The following ADAMTS12 variants were observed in gnomAD, a reference collection of about 807,000 sequenced individuals.
ADAMTS12 encodes ADAM metallopeptidase with thrombospondin type 1 motif 12.
ADAMTS12 carries 118 observed loss-of-function variants against 167.8 expected under a neutral mutation model. That is an observed-to-expected ratio of 0.70 (90% CI 0.61 to 0.82). ADAMTS12 has a LOEUF of 0.82. Among genes scored for constraint, ADAMTS12 ranks in the 40% least tolerant of loss-of-function variants. ADAMTS12 has a pLI of 0.00. For missense variants in ADAMTS12, 1,916 were observed against 1,998.8 expected, an observed-to-expected ratio of 0.96 and a Z score of 0.79; for synonymous variants, 704 against 716.9, an observed-to-expected ratio of 0.98 and a Z score of 0.29.
intron 22 of ADAMTS12, among the ~76,000 whole-genome samples, chr5:33,539,373 C>A (rs1421410972): frequency 6.6e-6 from 1 of 152,184 alleles, no homozygotes; most frequent in African/African-American, 2.4e-5. Context: ...GGCCATCTGG[C>A]AAACTGATCT....
chr5:33,553,038 TA>T (rs1345452777), intron 20 of ADAMTS12, among the ~76,000 whole-genome samples: 1 of 151,668 alleles, frequency 6.6e-6, no homozygotes, highest in African/African-American at 2.4e-5. Context: ...AACAACCATA[TA>T]AAAAAGTGAG....
chr5:33,857,280 G>A (rs553619097), intron 2 of ADAMTS12, among the ~76,000 whole-genome samples: 2 of 152,262 alleles, frequency 1.3e-5, no homozygotes, highest in East Asian at 1.9e-4. Flanking sequence ...ATGGGGAGAT[G>A]TTGCACAAAG....
chr5:33,781,015 T>C (rs2112441319), intron 2 of ADAMTS12, among the ~76,000 whole-genome samples: 1 of 152,294 alleles, frequency 6.6e-6, no homozygotes, highest in South Asian at 2.1e-4. Flanking sequence ...ATAATAGATA[T>C]GCAAAACTGG....
intron 22 of ADAMTS12, among the ~76,000 whole-genome samples, chr5:33,535,639 T>C (rs1232891213): frequency 6.6e-6 from 1 of 152,170 alleles, no homozygotes; most frequent in Non-Finnish European, 1.5e-5. Context: ...CTTTGCATCA[T>C]GAGTATATGG....
intron 2 of ADAMTS12, among the ~76,000 whole-genome samples, chr5:33,822,070 A>G (rs1747890197): frequency 6.6e-6 from 1 of 152,116 alleles, no homozygotes; most frequent in South Asian, 2.1e-4. Context: ...AATAACTACT[A>G]TATTTTTCCC....
chr5:33,832,027 C>A (rs1318695717), intron 2 of ADAMTS12, among the ~76,000 whole-genome samples: 1 of 152,214 alleles, frequency 6.6e-6, no homozygotes, highest in Non-Finnish European at 1.5e-5. Context: ...CCCTTCTCTT[C>A]TGAAGAATGC....
intron 1 of ADAMTS12, among the ~76,000 whole-genome samples, chr5:33,886,764 G>A (rs897001888): frequency 2.6e-5 from 4 of 152,112 alleles, no homozygotes; most frequent in African/African-American, 7.2e-5. Context: ...CATAGGTGTG[G>A]ATGGAAATCG....
intron 18 of ADAMTS12, among the ~76,000 whole-genome samples, chr5:33,585,891 C>T (rs1018642199): frequency 2.0e-5 from 3 of 152,106 alleles, no homozygotes; most frequent in African/African-American, 7.2e-5. Flanking sequence ...CGGCTGAGCC[C>T]ACTCTCTCCT....
At chr5:33,690,509 T>C (rs2112275914) in intron 3 of ADAMTS12, among the ~76,000 whole-genome samples, 1 of 151,674 alleles carries the variant, frequency 6.6e-6, no homozygotes, top group East Asian at 1.9e-4. Context: ...TGGATGGTCC[T>C]GCCTGACACT....
At chr5:33,780,405 C>T (rs13360649) in intron 2 of ADAMTS12, among the ~76,000 whole-genome samples, 7,580 of 152,154 alleles carry the variant, frequency 0.05, 678 homozygotes, top group African/African-American at 0.17. Flanking sequence ...AGATACTTTA[C>T]AGATAAGGGA....
intron 17 of ADAMTS12, among the ~76,000 whole-genome samples, chr5:33,591,610 C>T (rs1280187215): frequency 1.3e-5 from 2 of 152,182 alleles, no homozygotes; most frequent in Non-Finnish European, 2.9e-5. Context: ...ATATCCCATT[C>T]CTCCAGCCTC....
chr5:33,884,581 T>A (rs1423223179), intron 1 of ADAMTS12, among the ~76,000 whole-genome samples: 1 of 152,190 alleles, frequency 6.6e-6, no homozygotes, highest in African/African-American at 2.4e-5. Context: ...GGGGGATGAA[T>A]GCCCTGGCAC....
chr5:33,891,810 G>A lies in ADAMTS12; in HGVS notation c.47C>T (p.Ala16Val). ...AAGCGCCCCAAAGTTAAGGAGCTGA[G>A]CCACCACGGAAAGGTTTGCAAGCCA... Reference protein sequence around the residue: ...RSWLANLSVVAQLLNFGALCY... With the variant: ...RSWLANLSVVVQLLNFGALCY... The change falls in exon 1 of 24, where the codon GCT (alanine) becomes GTT (valine). Residue 16 changes from alanine (A) to valine (V), a missense_variant. Coordinates refer to ENST00000504830, the MANE Select transcript of ADAMTS12 (RefSeq NM_030955.4). 1 of 1,614,242 alleles carries A rather than the reference G, an allele frequency of 6.2e-7. No individual in the cohort carries two copies. The highest frequency in any genetic ancestry group is 1.1e-5 in the South Asian group (1 of 91,078).
intron 2 of ADAMTS12, among the ~76,000 whole-genome samples, chr5:33,794,577 C>T (rs112138586): frequency 6.6e-6 from 1 of 152,074 alleles, no homozygotes; most frequent in African/African-American, 2.4e-5. Flanking sequence ...CAAATATGCA[C>T]TGTCTGCTGG....
chr5:33,754,187 G>A (rs1267550881), intron 2 of ADAMTS12, among the ~76,000 whole-genome samples: 1 of 152,142 alleles, frequency 6.6e-6, no homozygotes, highest in Admixed American at 6.5e-5. Flanking sequence ...TCCAAAGAAA[G>A]GGCTGGCCCC....
At chr5:33,543,090 A>G (rs919771292) in intron 22 of ADAMTS12, among the ~76,000 whole-genome samples, 36 of 152,280 alleles carry the variant, frequency 2.4e-4, no homozygotes, top group African/African-American at 8.2e-4. Context: ...TTTTTTGAAA[A>G]GATCAACAAA....
chr5:33,824,871 C>T (rs935216934), intron 2 of ADAMTS12, among the ~76,000 whole-genome samples: 1 of 152,126 alleles, frequency 6.6e-6, no homozygotes, highest in African/African-American at 2.4e-5. Flanking sequence ...TCAGCTCATA[C>T]TTTGATAGCT....
chr5:33,551,358 A>C (rs771629611), intron 20 of ADAMTS12, among the ~76,000 whole-genome samples: 1 of 152,226 alleles, frequency 6.6e-6, no homozygotes, highest in Non-Finnish European at 1.5e-5. Context: ...ATCAGAAATA[A>C]GCAATACTTG....
At chr5:33,721,983 G>A (rs75591639) in intron 3 of ADAMTS12, among the ~76,000 whole-genome samples, 5,670 of 152,238 alleles carry the variant, frequency 0.037, 206 homozygotes, top group East Asian at 0.17. Context: ...ATGTGAGGAC[G>A]TTTCCTTTCA....
Sources: allele counts gnomAD v4.1 joint callset (sites outside exome capture counted in the v4.1 genomes callset), GRCh38; gene constraint gnomAD v4.1.1; transcripts MANE v1.5; gene names NCBI Gene and HGNC (gene_info 2026-07-23, HGNC 2026-07-21).